Variants in PIWIL1 observed in about 807,000 individuals in gnomAD.
PIWIL1 encodes the protein piwi like RNA-mediated gene silencing 1.
A neutral mutation model predicts 114.4 loss-of-function variants in PIWIL1; 73 were observed. The ratio of observed to expected loss-of-function variants is 0.64; its 90% CI spans 0.53 to 0.78. The LOEUF (loss-of-function observed/expected upper bound fraction) is 0.78. Among genes scored for constraint, PIWIL1 ranks in the 30% least tolerant of loss-of-function variants. PIWIL1 has a pLI of 0.00. For missense variants in PIWIL1, 723 were observed against 1,063.1 expected (o/e 0.68, Z 4.45); for synonymous variants, 375 against 369.0 (o/e 1.02, Z -0.19).
intron 9 of PIWIL1, among the ~76,000 whole-genome samples, chr12:130,352,554 C>T (rs1240199177): frequency 1.3e-5 from 2 of 152,140 alleles, no homozygotes; most frequent in Admixed American, 1.3e-4. Context: ...TGGCATATGC[C>T]TGTAATTCCA....
At chr12:130,404,488 C>T in the PIWIL1 span, among the ~76,000 whole-genome samples, 1 of 152,064 alleles carries the variant, frequency 6.6e-6, no homozygotes, top group African/African-American at 2.4e-5. Flanking sequence ...TCAGTAGAAA[C>T]GGGGTTTCAC....
chr12:130,374,109 C>T (rs2073848525), downstream of PIWIL1, among the ~76,000 whole-genome samples: 1 of 152,132 alleles, frequency 6.6e-6, no homozygotes, highest in Admixed American at 6.5e-5. Flanking sequence ...TTTCTGGGTA[C>T]ATTTTCCTTC....
chr12:130,341,642 T>G (rs2072920521), intron 1 of PIWIL1, among the ~76,000 whole-genome samples: 1 of 152,266 alleles, frequency 6.6e-6, no homozygotes, highest in Non-Finnish European at 1.5e-5. Context: ...TCATTTGATC[T>G]TCACCATTGA....
chr12:130,345,601 C>G, intron 3 of PIWIL1, 152 bp from the exon 4 acceptor site: 6 of 723,200 alleles, frequency 8.3e-6, no homozygotes, highest in Non-Finnish European at 2.3e-6. Context: ...GTTAGGCTGG[C>G]AGATACCTAA....
chr12:130,365,588 G>T (rs1048082431), intron 18 of PIWIL1, among the ~76,000 whole-genome samples: 2 of 152,166 alleles, frequency 1.3e-5, no homozygotes, highest in African/African-American at 4.8e-5. Flanking sequence ...TTATAGCAAC[G>T]TATCACAGGG....
chr12:130,413,367 G>A, the PIWIL1 span, among the ~76,000 whole-genome samples: 9 of 151,912 alleles, frequency 5.9e-5, no homozygotes, highest in East Asian at 1.4e-3. Context: ...TGGATCTCAC[G>A]GCCTGTAATC....
chr12:130,357,963 G>T lies in PIWIL1; in HGVS notation c.1665+410G>T, dbSNP rs141417906. 2.2e-4 allele frequency among the ~76,000 whole-genome samples: 33 copies of T among 152,362 alleles called. 1 individual carries two copies. In the South Asian group the frequency reaches 2.9e-3, roughly 13 times the overall value. On this transcript the variant is annotated intron_variant, in intron 14 of 20. Coordinates refer to ENST00000245255, the MANE Select transcript of PIWIL1 (RefSeq NM_004764.5). ...CAGGTATGGGAAGAGTAGGGTCGCA[G>T]AGAGCAGGGAGCCCTGAGTGACACT...
chr12:130,348,186 T>A lies in PIWIL1; in HGVS notation c.734+3T>A. Reference sequence around the variant, plus strand: ...CCAATTGATATTCCAAGTCACAGGTTTGTATGAAGTAGAACGTTTAATATT... The same window carrying A: ...CCAATTGATATTCCAAGTCACAGGTATGTATGAAGTAGAACGTTTAATATT... On this transcript the variant is annotated splice_donor_region_variant and intron_variant, in intron 7 of 20. Transcript: ENST00000245255. The A allele has an allele frequency of 1.9e-6, 3 of 1,547,176 alleles. No individual in the cohort carries two copies. Among genetic ancestry groups the A allele is most frequent in the Non-Finnish European group, 2.7e-6 (3 of 1,121,038 alleles).
chr12:130,343,962 G>T (rs2073000883), intron 3 of PIWIL1, among the ~76,000 whole-genome samples: 1 of 152,176 alleles, frequency 6.6e-6, no homozygotes. Flanking sequence ...GTGGTGTGAG[G>T]TCTGATGTGT....
chr12:130,397,669 T>C, the PIWIL1 span: 4 of 396,086 alleles, frequency 1.0e-5, no homozygotes, highest in African/African-American at 8.2e-5. Context: ...ATTTGTTCTT[T>C]CAGTTGTTGA....
chr12:130,395,679 T>C, the PIWIL1 span, among the ~76,000 whole-genome samples: 2 of 152,222 alleles, frequency 1.3e-5, no homozygotes, highest in African/African-American at 4.8e-5. Context: ...TTGAACTATA[T>C]TTTCATCTTG....
intron 2 of PIWIL1, 64 bp from the exon 3 acceptor site, chr12:130,342,926 G>C (rs1277440927): frequency 2.5e-6 from 3 of 1,180,986 alleles, no homozygotes; most frequent in Non-Finnish European, 3.8e-6. Flanking sequence ...CTTAAGACTA[G>C]AAATTTTCTC....
the PIWIL1 span, among the ~76,000 whole-genome samples, chr12:130,416,079 T>C: frequency 6.6e-6 from 1 of 152,098 alleles, no homozygotes; most frequent in Non-Finnish European, 1.5e-5. Context: ...CTGAGAGAAG[T>C]CATAGATCAC....
the PIWIL1 span, among the ~76,000 whole-genome samples, chr12:130,394,059 A>G: frequency 1.3e-5 from 2 of 152,218 alleles, no homozygotes; most frequent in African/African-American, 4.8e-5. Flanking sequence ...CCTACCATGC[A>G]TGTGGGTGGA....
intron 9 of PIWIL1, among the ~76,000 whole-genome samples, chr12:130,352,506 T>C (rs139695018): frequency 0.012 from 1,865 of 152,110 alleles, 28 homozygotes; most frequent in Non-Finnish European, 0.015. Context: ...TGGTGAAACC[T>C]CGTCTCTACT....
At chr12:130,344,526 A>G (rs1436055217) in intron 3 of PIWIL1, among the ~76,000 whole-genome samples, 1 of 152,230 alleles carries the variant, frequency 6.6e-6, no homozygotes, top group Non-Finnish European at 1.5e-5. Flanking sequence ...CTCATATTAA[A>G]TAACTGGTTT....
intron 11 of PIWIL1, among the ~76,000 whole-genome samples, 155 bp downstream of exon 11, chr12:130,355,160 A>G (rs943943980): frequency 1.3e-5 from 2 of 151,942 alleles, no homozygotes; most frequent in Admixed American, 1.3e-4. Flanking sequence ...TTTCTAAGCA[A>G]GGCTACCTAT....
chr12:130,371,344 A>T lies in PIWIL1; in HGVS notation c.2469+21A>T, dbSNP rs780593603. ...GGCCAGTAAGTGCTTCTACTTGTTGATGTTTAGCAAATAAAGGACATTCAC... is the reference window on the plus strand; with the variant it reads ...GGCCAGTAAGTGCTTCTACTTGTTGTTGTTTAGCAAATAAAGGACATTCAC... On this transcript the variant is annotated intron_variant, in intron 20 of 20. Transcript: ENST00000245255. The T allele has an allele frequency of 1.6e-5, 26 of 1,613,882 alleles. 1 individual carries two copies. The South Asian group carries it at 2.5e-4, about 16-fold the overall frequency.
the PIWIL1 span, among the ~76,000 whole-genome samples, chr12:130,377,665 T>C: frequency 1.3e-5 from 2 of 152,248 alleles, no homozygotes; most frequent in African/African-American, 4.8e-5. Context: ...ATCCTGGCCA[T>C]GTCCCCACCC....
Sources: allele counts gnomAD v4.1 joint callset (sites outside exome capture counted in the v4.1 genomes callset), GRCh38; gene constraint gnomAD v4.1.1; transcripts MANE v1.5; gene names NCBI Gene and HGNC (gene_info 2026-07-23, HGNC 2026-07-21).